Variants in PRELID2 observed in about 807,000 individuals in gnomAD.
PRELID2 encodes the protein PRELI domain containing 2, also known as PRELI domain-containing protein 2.
PRELID2 carries 25 observed loss-of-function variants against 28.4 expected under a neutral mutation model. The ratio of observed to expected loss-of-function variants is 0.88; its 90% confidence interval spans 0.64 to 1.23. The LOEUF is 1.23. Ranked by LOEUF, PRELID2 falls within the 50% of genes most tolerant of loss-of-function variation. PRELID2 has a pLI of 0.00. For missense variants in PRELID2, 201 were observed against 214.4 expected, an observed-to-expected ratio of 0.94 and a Z score of 0.39; for synonymous variants, 76 against 71.6, an observed-to-expected ratio of 1.06 and a Z score of -0.31.
the PRELID2 span, among the ~76,000 whole-genome samples, chr5:145,268,955 G>A: frequency 1.3e-5 from 2 of 152,098 alleles, no homozygotes; most frequent in South Asian, 4.2e-4. Context: ...AAACATAAAT[G>A]TGACTTAAAT....
intron 1 of PRELID2, among the ~76,000 whole-genome samples, chr5:145,700,180 G>C (rs1231528036): frequency 6.8e-6 from 1 of 147,606 alleles, no homozygotes; most frequent in African/African-American, 2.6e-5. Context: ...TGGTTTTTCT[G>C]GTCATCAACA....
At chr5:145,290,534 G>A in the PRELID2 span, among the ~76,000 whole-genome samples, 1 of 150,196 alleles carries the variant, frequency 6.7e-6, no homozygotes, top group South Asian at 2.1e-4. Context: ...CTCACTCATA[G>A]GTGGGAATTG....
chr5:145,231,957 C>T, the PRELID2 span, among the ~76,000 whole-genome samples: 8,658 of 152,088 alleles, frequency 0.057, 450 homozygotes, highest in African/African-American at 0.14. Context: ...TCCCAGAATG[C>T]TGTATTCAGG....
the PRELID2 span, among the ~76,000 whole-genome samples, chr5:145,306,444 T>C: frequency 2.2e-3 from 336 of 152,226 alleles, 2 homozygotes; most frequent in African/African-American, 7.8e-3. Flanking sequence ...TACAATGGCA[T>C]TAATTCATAT....
the PRELID2 span, among the ~76,000 whole-genome samples, chr5:145,386,949 G>A: frequency 5.8e-3 from 885 of 152,224 alleles, 12 homozygotes; most frequent in African/African-American, 0.02. Flanking sequence ...TTTCCTTACT[G>A]AACTCAACAA....
the PRELID2 span, among the ~76,000 whole-genome samples, chr5:145,287,288 TAATAA>T: frequency 5.9e-5 from 9 of 152,110 alleles, no homozygotes; most frequent in South Asian, 2.1e-4. Context: ...CAATAATTAA[TAATAA>T]AATAGAATAG....
At chr5:145,346,240 G>T in the PRELID2 span, among the ~76,000 whole-genome samples, 1 of 152,050 alleles carries the variant, frequency 6.6e-6, no homozygotes, top group African/African-American at 2.4e-5. Flanking sequence ...TTCCTCTAAA[G>T]ATAAAAACTC....
At chr5:145,610,372 A>G (rs1753596153) in intron 1 of PRELID2, among the ~76,000 whole-genome samples, 1 of 152,052 alleles carries the variant, frequency 6.6e-6, no homozygotes, top group South Asian at 2.1e-4. Flanking sequence ...TCTCTGTGAG[A>G]GCAGTGCTCA....
chr5:145,480,556 C>A (rs1006656116), intron 1 of PRELID2, among the ~76,000 whole-genome samples: 1 of 151,376 alleles, frequency 6.6e-6, no homozygotes, highest in South Asian at 2.1e-4. Context: ...TTACATTTAC[C>A]CTACATTTTG....
chr5:145,813,045 C>T (rs1026722641), intron 4 of PRELID2, among the ~76,000 whole-genome samples: 1 of 152,196 alleles, frequency 6.6e-6, no homozygotes, highest in African/African-American at 2.4e-5. Flanking sequence ...CTAAAGGAAA[C>T]TTATTCTGAG....
At chr5:145,332,570 C>T in the PRELID2 span, among the ~76,000 whole-genome samples, 10 of 151,828 alleles carry the variant, frequency 6.6e-5, no homozygotes, top group Non-Finnish European at 4.4e-5. Context: ...GCTATTGATA[C>T]TTGTGTATGC....
intron 1 of PRELID2, among the ~76,000 whole-genome samples, chr5:145,651,653 A>G (rs1754300036): frequency 6.6e-6 from 1 of 152,220 alleles, no homozygotes; most frequent in African/African-American, 2.4e-5. Context: ...CAGGGTCTGG[A>G]GTGGACCTTC....
At chr5:145,631,416 T>G (rs1753930397) in intron 1 of PRELID2, among the ~76,000 whole-genome samples, 1 of 152,028 alleles carries the variant, frequency 6.6e-6, no homozygotes, top group African/African-American at 2.4e-5. Context: ...CCTGGAAGAG[T>G]CCTCCAACCT....
chr5:145,526,393 G>A (rs1346454088), intron 1 of PRELID2, among the ~76,000 whole-genome samples: 1 of 152,156 alleles, frequency 6.6e-6, no homozygotes, highest in Non-Finnish European at 1.5e-5. Context: ...TCCAGAGGAG[G>A]TGTCATCGGG....
intron 1 of PRELID2, among the ~76,000 whole-genome samples, chr5:145,696,666 G>C (rs1304307232): frequency 6.6e-6 from 1 of 151,790 alleles, no homozygotes; most frequent in Non-Finnish European, 1.5e-5. Context: ...GTTGCACCAT[G>C]TCGCCCAGGC....
chr5:145,263,794 T>C, the PRELID2 span, among the ~76,000 whole-genome samples: 1 of 145,948 alleles, frequency 6.9e-6, no homozygotes, highest in Admixed American at 6.9e-5. Context: ...CAGGAAACAA[T>C]AGAAAATCTG....
intron 1 of PRELID2, among the ~76,000 whole-genome samples, chr5:145,655,547 CAG>C (rs1244142901): frequency 6.6e-6 from 1 of 152,170 alleles, no homozygotes; most frequent in Non-Finnish European, 1.5e-5. Flanking sequence ...GGTAACAAAA[CAG>C]AGATATAGAC....
chr5:145,388,734 C>T, the PRELID2 span, among the ~76,000 whole-genome samples: 2 of 152,126 alleles, frequency 1.3e-5, no homozygotes, highest in African/African-American at 4.8e-5. Context: ...TGTCTTTCCA[C>T]ATCTCCACGT....
Position 145,760,142 on chromosome 5 carries a change from A to T in PRELID2, c.*394T>A, listed in dbSNP as rs144081464. 6.6e-6 allele frequency: 1 copy of T among 152,182 alleles called. No individual in the cohort carries two copies. Among genetic ancestry groups the T allele is most frequent in the Non-Finnish European group, 1.5e-5 (1 of 68,050 alleles). 9.4% of individuals were successfully genotyped at this position (152,182 alleles called of 1,614,324 possible). ...TCCTAGGAACAACGGTGCTGATAAC[A>T]TAAGGGCACAAGCACCCTCTCCAGG... is the stretch of plus-strand genomic sequence containing the variant. On this transcript the variant is annotated 3_prime_UTR_variant, in exon 7 of 7. Coordinates refer to ENST00000683046, the MANE Select transcript of PRELID2 (RefSeq NM_205846.3).
Sources: allele counts gnomAD v4.1 joint callset (sites outside exome capture counted in the v4.1 genomes callset), GRCh38; gene constraint gnomAD v4.1.1; transcripts MANE v1.5; gene names NCBI Gene and HGNC (gene_info 2026-07-23, HGNC 2026-07-21).